Variants in RBPJ observed in about 807,000 individuals in gnomAD.
RBPJ encodes the protein recombination signal binding protein for immunoglobulin kappa J region, also known as recombining binding protein suppressor of hairless.
In RBPJ, 9 loss-of-function variants were observed where a neutral mutation model predicts 67.8. The observed-to-expected ratio is 0.13, with a 90% CI of 0.08 to 0.23. The LOEUF is 0.23. RBPJ is among the 10% of genes least tolerant of loss of function. RBPJ has a pLI of 1.00. For missense variants in RBPJ, 305 were observed against 595.6 expected (o/e 0.51, Z 5.08); for synonymous variants, 198 against 203.3 (o/e 0.97, Z 0.22).
chr4:26,267,364 A>G (rs1446376432), intron 1 of RBPJ, among the ~76,000 whole-genome samples: 71 of 152,264 alleles, frequency 4.7e-4, no homozygotes, highest in Non-Finnish European at 1.0e-4. Context: ...GATGCTGCCC[A>G]AGGATCATTC....
At chr4:26,362,501 A>G in intron 1 of RBPJ, 1 of 1,548,054 alleles carries the variant, frequency 6.5e-7, no homozygotes, top group Non-Finnish European at 8.7e-7. Flanking sequence ...CTTCGGAACC[A>G]TTATGATCTC....
At chr4:26,244,150 C>T (rs1560225754) in intron 1 of RBPJ, among the ~76,000 whole-genome samples, 1 of 140,898 alleles carries the variant, frequency 7.1e-6, no homozygotes, top group African/African-American at 2.6e-5. Flanking sequence ...TATGTGTACA[C>T]ATATATGTAT....
At chr4:26,246,836 C>T (rs1719943500) in intron 1 of RBPJ, among the ~76,000 whole-genome samples, 1 of 152,118 alleles carries the variant, frequency 6.6e-6, no homozygotes, top group Admixed American at 6.6e-5. Flanking sequence ...CAGCTGAAAT[C>T]AATGAGATCT....
chr4:26,251,126 C>A (rs988979283), intron 1 of RBPJ, among the ~76,000 whole-genome samples: 10 of 152,056 alleles, frequency 6.6e-5, no homozygotes, highest in Admixed American at 3.9e-4. Context: ...AGCTTCTAAC[C>A]AAATATTACC....
chr4:26,270,592 C>T (rs917794427), intron 1 of RBPJ, among the ~76,000 whole-genome samples: 27 of 151,926 alleles, frequency 1.8e-4, no homozygotes, highest in Non-Finnish European at 2.9e-4. Context: ...GGGTTGGGAA[C>T]CTCCAAAAGT....
At chr4:26,166,288 GC>G in intron 1 of RBPJ, among the ~76,000 whole-genome samples, 1 of 113,094 alleles carries the variant, frequency 8.8e-6, no homozygotes, top group African/African-American at 3.4e-5. Context: ...CTGAGGAATC[GC>G]CACACTGACT....
At chr4:26,298,488 G>A (rs1376893750) in intron 1 of RBPJ, among the ~76,000 whole-genome samples, 5 of 152,118 alleles carry the variant, frequency 3.3e-5, no homozygotes, top group Admixed American at 2.0e-4. Context: ...CAAACTCCAC[G>A]GGGGATCTGC....
chr4:26,395,483 T>C (rs558423889), intron 2 of RBPJ, among the ~76,000 whole-genome samples: 37 of 152,270 alleles, frequency 2.4e-4, no homozygotes, highest in African/African-American at 8.7e-4. Context: ...TTTATATCTA[T>C]TGTCCACGTT....
At chr4:26,210,414 G>T (rs1718343442) in intron 1 of RBPJ, among the ~76,000 whole-genome samples, 1 of 152,060 alleles carries the variant, frequency 6.6e-6, no homozygotes, top group Non-Finnish European at 1.5e-5. Flanking sequence ...TGTCTAATGG[G>T]GCCCACCTGG....
At chr4:26,407,030 C>A (rs948672681) in intron 3 of RBPJ, among the ~76,000 whole-genome samples, 8 of 152,178 alleles carry the variant, frequency 5.3e-5, no homozygotes, top group African/African-American at 1.9e-4. Flanking sequence ...TAATAAAGGT[C>A]ATCTGGTTAA....
At chr4:26,388,749 A>T (rs1184216611) in intron 2 of RBPJ, among the ~76,000 whole-genome samples, 1 of 152,250 alleles carries the variant, frequency 6.6e-6, no homozygotes, top group East Asian at 1.9e-4. Context: ...GATACTATCT[A>T]AAATGAAGCA....
At chr4:26,303,222 A>C (rs1455091292) in intron 1 of RBPJ, among the ~76,000 whole-genome samples, 1 of 145,082 alleles carries the variant, frequency 6.9e-6, no homozygotes, top group Non-Finnish European at 1.5e-5. Context: ...ATAAATAATA[A>C]ATGAATAAAT....
intron 3 of RBPJ, among the ~76,000 whole-genome samples, chr4:26,409,624 C>T (rs940751107): frequency 2.6e-5 from 4 of 152,120 alleles, no homozygotes; most frequent in Non-Finnish European, 5.9e-5. Flanking sequence ...CTCAGCCTCC[C>T]AAGTAGCTGG....
intron 1 of RBPJ, among the ~76,000 whole-genome samples, chr4:26,231,996 ATTC>A (rs1719306133): frequency 3.3e-5 from 5 of 151,552 alleles, no homozygotes; most frequent in Admixed American, 3.3e-4. Context: ...AGTTCAAGCA[ATTC>A]TTCTGCCTCA....
rs1736129088 is a variant in RBPJ at position 26,430,719 on chromosome 4, C to T, written c.1176C>T (p.Val392=). The part of the protein sequence containing the change: ...YRCGESMLCV[V]PDISAFREGW... ...GTGGAGAGAGTATGCTCTGTGTCGT[C>T]CCAGACATTTCTGCATTCCGAGAAG... is the stretch of plus-strand genomic sequence containing the variant. The change falls in exon 11 of 11, where the codon GTC becomes GTT. Residue 392 remains valine (V), a synonymous_variant. Transcript: ENST00000355476. The surrounding 1 kb of genome is among the most constrained non-coding windows in gnomAD (Gnocchi z 4.1). 1.9e-6 allele frequency: 3 copies of T among 1,613,956 alleles called. No homozygotes were observed. Among genetic ancestry groups the T allele is most frequent in the Admixed American group, 3.3e-5 (2 of 59,984 alleles).
the RBPJ span, among the ~76,000 whole-genome samples, chr4:26,154,160 G>A: frequency 6.6e-6 from 1 of 152,120 alleles, no homozygotes; most frequent in Non-Finnish European, 1.5e-5. Flanking sequence ...CACTCTGTGG[G>A]TGGAGGCAAT....
intron 2 of RBPJ, among the ~76,000 whole-genome samples, chr4:26,391,149 TG>T (rs1481921410): frequency 6.6e-6 from 1 of 152,234 alleles, no homozygotes; most frequent in Admixed American, 6.5e-5. Flanking sequence ...CAGGCTTTTT[TG>T]TAACAGTTGA....
chr4:26,133,417 C>A, the RBPJ span, among the ~76,000 whole-genome samples: 1 of 152,162 alleles, frequency 6.6e-6, no homozygotes, highest in African/African-American at 2.4e-5. Flanking sequence ...TACTAAAAAA[C>A]AAACAAACAA....
At chr4:26,298,616 T>C (rs1721964661) in intron 1 of RBPJ, among the ~76,000 whole-genome samples, 1 of 152,236 alleles carries the variant, frequency 6.6e-6, no homozygotes, top group South Asian at 2.1e-4. Context: ...TTGTTCATTA[T>C]AACCATAATT....
Sources: gnomAD v4.1 joint callset for allele counts (sites outside exome capture counted in the v4.1 genomes callset) on GRCh38, gnomAD v4.1.1 for gene constraint, Gnocchi (gnomAD v3.1) non-coding constraint, MANE v1.5 for transcripts, NCBI Gene and HGNC (gene_info 2026-07-23, HGNC 2026-07-21) for gene names.